The following COX14 variants were observed in gnomAD, a reference collection of about 807,000 sequenced individuals.
The protein encoded by COX14 is cytochrome c oxidase assembly factor COX14.
COX14 carries 3 observed loss-of-function variants against 5.8 expected under a neutral mutation model. The ratio of observed to expected loss-of-function variants is 0.51; its 90% CI spans 0.23 to 1.33. The LOEUF is 1.33. COX14 is among the 40% of genes most tolerant of loss of function. The pLI, the probability that COX14 is intolerant of heterozygous loss-of-function variation, is 0.18. For missense variants in COX14, 72 were observed against 72.1 expected, an observed-to-expected ratio of 1.00 and a Z score of 0.01; for synonymous variants, 25 against 26.1, an observed-to-expected ratio of 0.96 and a Z score of 0.13.
intron 1 of COX14, chr12:50,118,418 AC>A: frequency 1.0e-6 from 1 of 985,002 alleles, no homozygotes; most frequent in South Asian, 4.7e-5. Context: ...GCTTGCACAT[AC>A]CCCAACCCCG....
chr12:50,115,641 T>C (rs1337266182), intron 1 of COX14, among the ~76,000 whole-genome samples: 1 of 151,232 alleles, frequency 6.6e-6, no homozygotes, highest in Non-Finnish European at 1.5e-5. Flanking sequence ...CACCTCTACC[T>C]CCTGGGCTCA....
At position 50,112,272 on chromosome 12, in the gene COX14, G is replaced by C; in HGVS notation, c.-38G>C. 1.0e-6 allele frequency: 1 copy of C among 985,152 alleles called. No homozygotes were observed. The highest frequency in any genetic ancestry group is 1.2e-6 in the Non-Finnish European group (1 of 829,636). 61.0% of individuals were successfully genotyped at this position (985,152 alleles called of 1,614,324 possible). ...GACCCTGCCTGCCTGAGGAGGCCTC[G>C]GTTGGATGCGAAGGAGCTGCAGCAT... is the stretch of plus-strand genomic sequence containing the variant. On this transcript the variant is annotated 5_prime_UTR_variant, in exon 1 of 2. Transcript: ENST00000550487.
At chr12:50,116,310 C>G (rs915664986) in intron 1 of COX14, among the ~76,000 whole-genome samples, 1 of 152,174 alleles carries the variant, frequency 6.6e-6, no homozygotes, top group African/African-American at 2.4e-5. Flanking sequence ...CCAGGCTGGT[C>G]TCGAACTCCT....
intron 1 of COX14, among the ~76,000 whole-genome samples, chr12:50,115,697 G>T (rs947873594): frequency 2.1e-4 from 32 of 151,724 alleles, no homozygotes; most frequent in Non-Finnish European, 4.6e-4. Flanking sequence ...GACTACAGGT[G>T]CATGCCACTA....
At chr12:50,119,603 AG>A (rs1476350945) in intron 1 of COX14, among the ~76,000 whole-genome samples, 1 of 152,164 alleles carries the variant, frequency 6.6e-6, no homozygotes, top group African/African-American at 2.4e-5. Flanking sequence ...CTGAGGTGGG[AG>A]GGTGGACTTC....
intron 1 of COX14, among the ~76,000 whole-genome samples, chr12:50,119,013 G>A (rs1288328344): frequency 6.6e-6 from 1 of 152,162 alleles, no homozygotes; most frequent in Non-Finnish European, 1.5e-5. Flanking sequence ...AGTTAAATTA[G>A]AAGTAATTTA....
chr12:50,112,943 G>GTTATGTTATGTTATT (rs1592306809), intron 1 of COX14: 1 of 142,216 alleles, frequency 7.0e-6, no homozygotes, highest in Non-Finnish European at 1.6e-5. Flanking sequence ...GTTATGTTAT[G>GTTATGTTATGTTATT]TTATTTTGAG....
chr12:50,117,089 A>T (rs1951086863), intron 1 of COX14, among the ~76,000 whole-genome samples: 1 of 152,078 alleles, frequency 6.6e-6, no homozygotes, highest in Non-Finnish European at 1.5e-5. Flanking sequence ...AGCTCACTGT[A>T]GCCTCAACCT....
intron 1 of COX14, among the ~76,000 whole-genome samples, chr12:50,113,706 C>G (rs1951052246): frequency 6.6e-6 from 1 of 152,122 alleles, no homozygotes; most frequent in Admixed American, 6.5e-5. Context: ...GATCTCGGCT[C>G]ACTGCAACCT....
intron 1 of COX14, among the ~76,000 whole-genome samples, chr12:50,117,034 G>C (rs1429996872): frequency 6.6e-6 from 1 of 151,958 alleles, no homozygotes; most frequent in Non-Finnish European, 1.5e-5. Context: ...TTTTGAGACA[G>C]GGTCTCACTC....
At chr12:50,113,303 A>T (rs965164578) in intron 1 of COX14, among the ~76,000 whole-genome samples, 3 of 138,874 alleles carry the variant, frequency 2.2e-5, no homozygotes, top group Non-Finnish European at 3.1e-5. Flanking sequence ...CGTTTACGCA[A>T]TTTTTTTTTT....
chr12:50,119,713 G>A (rs1951113136), intron 1 of COX14, among the ~76,000 whole-genome samples: 1 of 152,178 alleles, frequency 6.6e-6, no homozygotes, highest in Non-Finnish European at 1.5e-5. Flanking sequence ...ACAAACCCCA[G>A]CAGTCCAGGC....
At chr12:50,112,552 C>A in intron 1 of COX14, 1 of 834,008 alleles carries the variant, frequency 1.2e-6, no homozygotes, top group Non-Finnish European at 1.4e-6. Context: ...TCCTGCCTGG[C>A]GTCTCGACCC....
intron 1 of COX14, among the ~76,000 whole-genome samples, chr12:50,115,237 C>T (rs534848917): frequency 1.1e-4 from 16 of 140,054 alleles, no homozygotes; most frequent in Admixed American, 5.1e-4. Context: ...TTTTTTGAGA[C>T]GGAGTCTGGT....
At chr12:50,113,689 G>A (rs1951051965) in intron 1 of COX14, among the ~76,000 whole-genome samples, 1 of 152,000 alleles carries the variant, frequency 6.6e-6, no homozygotes, top group South Asian at 2.1e-4. Context: ...CTGGAGTACA[G>A]TGGCGCGATC....
intron 1 of COX14, 93 bp downstream of exon 1, chr12:50,112,394 C>A: frequency 1.0e-6 from 1 of 985,794 alleles, no homozygotes. Context: ...CCTCCCATCC[C>A]CTAGTCTGCA....
intron 1 of COX14, among the ~76,000 whole-genome samples, chr12:50,113,701 C>T (rs753372694): frequency 4.6e-5 from 7 of 152,056 alleles, no homozygotes; most frequent in Non-Finnish European, 8.8e-5. Flanking sequence ...GGCGCGATCT[C>T]GGCTCACTGC....
chr12:50,114,675 G>A (rs1236267632), intron 1 of COX14, among the ~76,000 whole-genome samples: 2 of 150,464 alleles, frequency 1.3e-5, no homozygotes, highest in Non-Finnish European at 2.9e-5. Context: ...ATATGTATCT[G>A]AAACATAGCT....
At chr12:50,117,128 G>C (rs1951087277) in intron 1 of COX14, among the ~76,000 whole-genome samples, 1 of 152,058 alleles carries the variant, frequency 6.6e-6, no homozygotes, top group Non-Finnish European at 1.5e-5. Context: ...TCCCACCTCA[G>C]CCTCCTGAGT....
Sources: allele counts gnomAD v4.1 joint callset (sites outside exome capture counted in the v4.1 genomes callset), GRCh38; gene constraint gnomAD v4.1.1; transcripts MANE v1.5; gene names NCBI Gene and HGNC (gene_info 2026-07-23, HGNC 2026-07-21).